Variants in ADAMTS6 observed in about 807,000 individuals in gnomAD.
The protein encoded by ADAMTS6 is ADAM metallopeptidase with thrombospondin type 1 motif 6, also known as A disintegrin and metalloproteinase with thrombospondin motifs 6.
Under a neutral mutation model 144.3 loss-of-function variants are expected in ADAMTS6, and 23 were observed. That is an observed-to-expected ratio of 0.16 (90% confidence interval 0.11 to 0.23). ADAMTS6 has a LOEUF of 0.23. Among genes scored for constraint, ADAMTS6 ranks in the 10% least tolerant of loss-of-function variants. The pLI is 1.00. For missense variants in ADAMTS6, 999 were observed against 1,379.6 expected (o/e 0.72, Z 4.37); for synonymous variants, 444 against 457.5 (o/e 0.97, Z 0.38).
chr5:65,372,056 A>C (rs1266348096), intron 7 of ADAMTS6, among the ~76,000 whole-genome samples: 6 of 152,002 alleles, frequency 3.9e-5, no homozygotes. Flanking sequence ...AAAATACTTT[A>C]TAGACAAGCA....
intron 11 of ADAMTS6, among the ~76,000 whole-genome samples, chr5:65,275,997 C>T (rs1762502337): frequency 1.3e-5 from 2 of 152,172 alleles, no homozygotes; most frequent in South Asian, 4.1e-4. Context: ...CTAAAGTTTA[C>T]TTTAGACAAA....
chr5:65,217,807 G>T (rs1373055123), intron 18 of ADAMTS6, among the ~76,000 whole-genome samples: 1 of 152,108 alleles, frequency 6.6e-6, no homozygotes, highest in Non-Finnish European at 1.5e-5. Context: ...TATCTCAAAG[G>T]ATTAAACATC....
intron 7 of ADAMTS6, among the ~76,000 whole-genome samples, chr5:65,379,229 C>T (rs138737650): frequency 1.3e-5 from 2 of 152,260 alleles, no homozygotes; most frequent in African/African-American, 4.8e-5. Flanking sequence ...TTTTTTATCC[C>T]TCTTCACTTT....
intron 7 of ADAMTS6, chr5:65,451,232 A>G: frequency 2.5e-6 from 1 of 392,962 alleles, no homozygotes; most frequent in Non-Finnish European, 4.5e-6. Context: ...AGAACTTATC[A>G]GTAGGAGGAA....
intron 21 of ADAMTS6, 141 bp downstream of exon 21, chr5:65,196,881 A>T: frequency 9.8e-7 from 1 of 1,018,284 alleles, no homozygotes. Context: ...GAGACATCAA[A>T]ATTCCTCCCT....
At chr5:65,284,537 TAATA>T (rs1428164971) in intron 11 of ADAMTS6, among the ~76,000 whole-genome samples, 1 of 152,110 alleles carries the variant, frequency 6.6e-6, no homozygotes, top group Non-Finnish European at 1.5e-5. Context: ...TACTATAAAT[TAATA>T]AATCCAAATT....
At chr5:65,269,837 G>T (rs1761920021) in intron 12 of ADAMTS6, among the ~76,000 whole-genome samples, 1 of 149,904 alleles carries the variant, frequency 6.7e-6, no homozygotes, top group Non-Finnish European at 1.5e-5. Flanking sequence ...TGTTGCCCAG[G>T]CTGGAGGGCA....
intron 14 of ADAMTS6, among the ~76,000 whole-genome samples, chr5:65,242,973 A>C (rs983686285): frequency 3.9e-5 from 6 of 152,072 alleles, no homozygotes; most frequent in Non-Finnish European, 7.4e-5. Context: ...AAATCCTGCC[A>C]ATCCAGCTAG....
chr5:65,188,233 A>G lies in ADAMTS6; in HGVS notation c.2706-13T>C, dbSNP rs746842444. 6.2e-7 allele frequency: 1 copy of G among 1,612,430 alleles called. No homozygotes were observed. The highest frequency in any genetic ancestry group is 1.3e-5 in the African/African-American group (1 of 75,040). ...CCCAATGAACCACCTGCAGCAAGACATGGAAGAAACACAGAAAAGCATTTC... is the reference window on the plus strand; with the variant it reads ...CCCAATGAACCACCTGCAGCAAGACGTGGAAGAAACACAGAAAAGCATTTC... On this transcript the variant is annotated splice_polypyrimidine_tract_variant and intron_variant, in intron 21 of 24. Transcript: ENST00000381055.
At chr5:65,316,840 T>G (rs890626651) in intron 9 of ADAMTS6, among the ~76,000 whole-genome samples, 1 of 152,048 alleles carries the variant, frequency 6.6e-6, no homozygotes, top group Non-Finnish European at 1.5e-5. Flanking sequence ...CTTGCTCTGT[T>G]GCCCAGGCTG....
chr5:65,226,166 T>C lies in ADAMTS6; in HGVS notation c.1987A>G (p.Thr663Ala). ...NCLAEGYNFYTERAPAVIDGT... is the reference protein window; with the variant it reads ...NCLAEGYNFYAERAPAVIDGT... ...TCGATCACCGCAGGAGCACGTTCAG[T>C]GTAGAAATTATAACCTTCAGCCAAG... is the stretch of plus-strand genomic sequence containing the variant. Residue 663 changes from threonine (T) to alanine (A), a missense_variant, in exon 16 of 25, where the codon ACT becomes GCT. Physicochemically the swap from Thr to Ala is moderately conservative, Grantham distance 58. Coordinates refer to ENST00000381055, the MANE Select transcript of ADAMTS6 (RefSeq NM_197941.4). 5 of 1,613,898 alleles carry C rather than the reference T, an allele frequency of 3.1e-6. No homozygotes were observed. Among genetic ancestry groups the C allele is most frequent in the Non-Finnish European group, 4.2e-6 (5 of 1,179,882 alleles).
Position 65,475,433 on chromosome 5 carries a change from G to T in ADAMTS6, c.-279-1481C>A, listed in dbSNP as rs1760777381. Reference sequence around the variant, plus strand: ...ATACAGAAAAGGATTAAGGGAAACAGAAAAGATTAAGATTCAATCCTTGCC... The same window carrying T: ...ATACAGAAAAGGATTAAGGGAAACATAAAAGATTAAGATTCAATCCTTGCC... On this transcript the variant is annotated intron_variant, in intron 1 of 24. Transcript: ENST00000381055. Among the ~76,000 whole-genome samples, 3 of 152,270 alleles carry T rather than the reference G, an allele frequency of 2.0e-5. No individual in the cohort carries two copies. In the South Asian group the frequency reaches 6.2e-4, roughly 32 times the overall value.
chr5:65,414,242 A>G (rs553555579), intron 7 of ADAMTS6, among the ~76,000 whole-genome samples: 14 of 152,016 alleles, frequency 9.2e-5, no homozygotes, highest in African/African-American at 3.1e-4. Flanking sequence ...GTATAAAAAC[A>G]CTCAGGCTTT....
chr5:65,401,370 C>T (rs1184237837), intron 7 of ADAMTS6, among the ~76,000 whole-genome samples: 1 of 152,138 alleles, frequency 6.6e-6, no homozygotes, highest in East Asian at 1.9e-4. Flanking sequence ...ACAGATTAGG[C>T]TCTGGTTAGC....
intron 22 of ADAMTS6, among the ~76,000 whole-genome samples, chr5:65,174,505 A>G (rs1349894387): frequency 2.6e-5 from 4 of 152,194 alleles, no homozygotes; most frequent in Non-Finnish European, 5.9e-5. Flanking sequence ...TGGACGATCA[A>G]CGCAGTGGCT....
At chr5:65,402,514 C>T (rs542880257) in intron 7 of ADAMTS6, among the ~76,000 whole-genome samples, 1 of 152,218 alleles carries the variant, frequency 6.6e-6, no homozygotes, top group East Asian at 1.9e-4. Context: ...TATAACATCA[C>T]CTTCTTATTA....
chr5:65,255,570 C>G (rs1327748150), intron 14 of ADAMTS6, among the ~76,000 whole-genome samples: 1 of 152,150 alleles, frequency 6.6e-6, no homozygotes, highest in Non-Finnish European at 1.5e-5. Flanking sequence ...TTTCGTAATA[C>G]TTCAGAAACA....
intron 7 of ADAMTS6, among the ~76,000 whole-genome samples, chr5:65,359,770 A>T (rs1749657427): frequency 6.6e-6 from 1 of 152,130 alleles, no homozygotes. Flanking sequence ...GCACAGAGAG[A>T]CAAATACTGA....
intron 1 of ADAMTS6, among the ~76,000 whole-genome samples, chr5:65,477,763 A>AT (rs201927162): frequency 0.05 from 7,119 of 141,854 alleles, 184 homozygotes; most frequent in Non-Finnish European, 0.067. Context: ...CCCTCCCCAC[A>AT]TTTTTTTTTT....
Sources: allele counts gnomAD v4.1 joint callset (sites outside exome capture counted in the v4.1 genomes callset), GRCh38; gene constraint gnomAD v4.1.1; transcripts MANE v1.5; gene names NCBI Gene and HGNC (gene_info 2026-07-23, HGNC 2026-07-21).